HLTF: variants seen among roughly 807,000 people sequenced by gnomAD.
The protein encoded by HLTF is helicase like transcription factor, also known as DNA-dependent ATPase/E3 ubiquitin-protein ligase HLTF.
Under a neutral mutation model 129.4 loss-of-function variants are expected in HLTF, and 127 were observed. That is an observed-to-expected ratio of 0.98 (90% CI 0.85 to 1.14). The LOEUF is 1.14. HLTF is among the 50% of genes most tolerant of loss of function. The pLI is 0.00. For synonymous variants in HLTF, 332 were observed against 388.8 expected, an observed-to-expected ratio of 0.85 and a Z score of 1.72; for missense variants, 1,139 against 1,187.1, an observed-to-expected ratio of 0.96 and a Z score of 0.60.
intron 15 of HLTF, 41 bp downstream of exon 15, chr3:149,050,191 T>A: frequency 7.4e-7 from 1 of 1,344,634 alleles, no homozygotes; most frequent in Non-Finnish European, 1.0e-6. Context: ...ATTTCTTACA[T>A]TCAATCTTTA....
At chr3:149,072,247 A>T (rs116181032) in intron 5 of HLTF, among the ~76,000 whole-genome samples, 4,350 of 152,300 alleles carry the variant, frequency 0.029, 85 homozygotes, top group South Asian at 0.07. Flanking sequence ...ATCACAAATA[A>T]GCTTATATGT....
intron 6 of HLTF, 46 bp downstream of exon 6, chr3:149,071,537 T>C: frequency 2.7e-6 from 4 of 1,478,472 alleles, no homozygotes; most frequent in Non-Finnish European, 3.8e-6. Context: ...TCTAAGTATA[T>C]TTAAACATTC....
chr3:149,077,262 A>AT (rs1576624489), intron 2 of HLTF, among the ~76,000 whole-genome samples: 2 of 149,818 alleles, frequency 1.3e-5, no homozygotes, highest in Admixed American at 6.7e-5. Flanking sequence ...AAATAAATAA[A>AT]TAAATAAATA....
chr3:149,032,957 C>CAAAAAAA (rs67952189), intron 24 of HLTF, among the ~76,000 whole-genome samples: 19 of 67,598 alleles, frequency 2.8e-4, no homozygotes, highest in South Asian at 5.6e-4. Flanking sequence ...AGCGACGTCT[C>CAAAAAAA]AAAAAAAAAA....
chr3:149,073,484 A>G (rs1719047223), intron 4 of HLTF, among the ~76,000 whole-genome samples, 162 bp from the exon 5 acceptor site: 3 of 152,224 alleles, frequency 2.0e-5, no homozygotes, highest in Admixed American at 2.0e-4. Context: ...GCCTGAGTCC[A>G]GTAGTTTGAG....
At chr3:149,085,518 T>A (rs772180466) in intron 1 of HLTF, among the ~76,000 whole-genome samples, 4 of 152,158 alleles carry the variant, frequency 2.6e-5, no homozygotes, top group Non-Finnish European at 5.9e-5. Context: ...TGAAATCATA[T>A]GCCAAAATTT....
chr3:149,059,913 T>A, intron 12 of HLTF, 106 bp from the exon 13 acceptor site: 1 of 696,736 alleles, frequency 1.4e-6, no homozygotes, highest in Non-Finnish European at 2.4e-6. Flanking sequence ...CACCCTCTAT[T>A]GTAAGAGCTT....
At position 149,032,343 on chromosome 3, in the gene HLTF, A is replaced by C. The variant is rs1715144908; in HGVS notation, c.2907T>G (p.Asn969Lys). Residue 969 changes from asparagine (N) to lysine (K), a missense_variant, in exon 25 of 25, where the codon AAT (asparagine) becomes AAG (lysine). By Grantham distance (94) the Asn-to-Lys change is moderately conservative. Coordinates refer to ENST00000310053, the MANE Select transcript of HLTF (RefSeq NM_003071.4). ...TCTTTTTGTTTTGTATTTTCAGCAT[A>C]TTTTCTTCAACAGAGTCCTTTACAA... ...KFIVKDSVEE[N>K]MLKIQNKKRE... 6.3e-7 allele frequency: 1 copy of C among 1,581,666 alleles called. No homozygotes were observed. The highest frequency in any genetic ancestry group is 1.8e-5 in the Admixed American group (1 of 55,318).
In HLTF at chr3:149,073,190, T is replaced by C. The variant is rs191183377; in HGVS notation, c.627+35A>G. The C allele has an allele frequency of 3.0e-5, 42 of 1,418,474 alleles. No individual in the cohort carries two copies. The East Asian group carries it at 6.3e-4, about 21-fold the overall frequency. 87.9% of individuals were successfully genotyped at this position (1,418,474 alleles called of 1,614,324 possible). On this transcript the variant is annotated intron_variant, in intron 5 of 24. Coordinates refer to ENST00000310053, the MANE Select transcript of HLTF (RefSeq NM_003071.4). ...AATACAAACCTGCAACATTTAAAAT[T>C]CACTTTTAGATTACAAAATAAAAGA...
At chr3:149,050,737 C>G (rs1041408908) in intron 14 of HLTF, among the ~76,000 whole-genome samples, 3 of 152,016 alleles carry the variant, frequency 2.0e-5, no homozygotes, top group African/African-American at 7.2e-5. Context: ...AGTAAAAGAA[C>G]AACAACCAAT....
intron 14 of HLTF, among the ~76,000 whole-genome samples, chr3:149,051,459 G>C (rs1001734805): frequency 1.3e-5 from 2 of 152,126 alleles, no homozygotes; most frequent in African/African-American, 4.8e-5. Flanking sequence ...TTCCTAAAGA[G>C]AGCATGTACA....
intron 2 of HLTF, among the ~76,000 whole-genome samples, chr3:149,081,280 A>T (rs1278882240): frequency 6.8e-6 from 1 of 148,136 alleles, no homozygotes; most frequent in Non-Finnish European, 1.5e-5. Context: ...AAAAAAAAAC[A>T]AAAAATAAAA....
chr3:149,042,281 A>G lies in HLTF; in HGVS notation c.2082T>C (p.Asn694=). The change falls in exon 19 of 25, where the codon AAT becomes AAC. Residue 694 remains asparagine (N), a synonymous_variant. Coordinates refer to ENST00000310053, the MANE Select transcript of HLTF (RefSeq NM_003071.4). The part of the protein sequence containing the change: ...EGRATIGRYF[N]EGTVLAHYAD... ...CATAATGTGCCAGGACAGTCCCTTC[A>G]TTAAAATACCTAGAGATTAAAATGT... 1.2e-6 allele frequency: 2 copies of G among 1,608,944 alleles called. No homozygotes were observed. The highest frequency in any genetic ancestry group is 1.7e-6 in the Non-Finnish European group (2 of 1,176,786).
intron 2 of HLTF, among the ~76,000 whole-genome samples, chr3:149,077,284 AAATAAAT>A (rs1553744505): frequency 1.3e-5 from 2 of 150,044 alleles, no homozygotes; most frequent in African/African-American, 2.4e-5. Flanking sequence ...ATAAATAAAT[AAATAAAT>A]AAAAATAATA....
At chr3:149,077,400 C>A (rs1719470300) in intron 2 of HLTF, among the ~76,000 whole-genome samples, 1 of 151,940 alleles carries the variant, frequency 6.6e-6, no homozygotes, top group South Asian at 2.1e-4. Flanking sequence ...CTGTTATTCT[C>A]CTGAAGTTCC....
intron 14 of HLTF, chr3:149,052,148 T>TTAA (rs1337977702): frequency 3.2e-5 from 2 of 63,064 alleles, no homozygotes; most frequent in South Asian, 4.6e-4. Flanking sequence ...AGCAAGACTG[T>TTAA]AAAAAAAAAA....
intron 10 of HLTF, among the ~76,000 whole-genome samples, chr3:149,062,872 T>C (rs1297118035): frequency 2.0e-5 from 3 of 152,190 alleles, no homozygotes; most frequent in African/African-American, 7.2e-5. Context: ...AAAAAAGTAG[T>C]AGAAAGATGA....
At chr3:149,084,639 C>A in intron 2 of HLTF, 43 bp downstream of exon 2, 1 of 1,391,574 alleles carries the variant, frequency 7.2e-7, no homozygotes, top group Non-Finnish European at 1.0e-6. Flanking sequence ...TAGGTTAACG[C>A]CAGAAATATA....
In HLTF at chr3:149,042,268, G is replaced by A. The variant is rs764748974; in HGVS notation, c.2095C>T (p.Leu699=). The change falls in exon 19 of 25, where the codon CTG becomes TTG. Residue 699 remains leucine (L), a synonymous_variant. Coordinates refer to ENST00000310053, the MANE Select transcript of HLTF (RefSeq NM_003071.4). ...CCCAGGACATCTGCATAATGTGCCA[G>A]GACAGTCCCTTCATTAAAATACCTA... ...IGRYFNEGTV[L]AHYADVLGLL... is the part of the protein sequence containing the mutation. 6 of 1,611,452 alleles carry A rather than the reference G, an allele frequency of 3.7e-6. No individual in the cohort carries two copies. The East Asian group carries it at 1.3e-4, about 36-fold the overall frequency.
Sources: gnomAD v4.1 joint callset for allele counts (sites outside exome capture counted in the v4.1 genomes callset) on GRCh38, gnomAD v4.1.1 for gene constraint, MANE v1.5 for transcripts, NCBI Gene and HGNC (gene_info 2026-07-23, HGNC 2026-07-21) for gene names.